TSPAN9: variants seen among roughly 807,000 people sequenced by gnomAD.
TSPAN9 encodes tetraspanin-9.
In TSPAN9, 16 loss-of-function variants were observed where a neutral mutation model predicts 31.0. The observed-to-expected ratio is 0.52, with a 90% CI of 0.35 to 0.78. The LOEUF (loss-of-function observed/expected upper bound fraction) is 0.78. TSPAN9 is among the 30% of genes least tolerant of loss of function. The pLI, the probability that TSPAN9 is intolerant of heterozygous loss-of-function variation, is 0.01. For synonymous variants in TSPAN9, 145 were observed against 121.6 expected, an observed-to-expected ratio of 1.19 and a Z score of -1.27; for missense variants, 272 against 312.5, an observed-to-expected ratio of 0.87 and a Z score of 0.98.
chr12:3,125,579 A>G (rs960713536), intron 2 of TSPAN9, among the ~76,000 whole-genome samples: 2 of 152,146 alleles, frequency 1.3e-5, no homozygotes, highest in African/African-American at 4.8e-5. Flanking sequence ...TTTTCACTCT[A>G]TAAGAAGACC....
chr12:3,281,896 G>A (rs1256286269), intron 8 of TSPAN9, 79 bp downstream of exon 8: 6 of 1,496,334 alleles, frequency 4.0e-6, no homozygotes, highest in Admixed American at 1.8e-5. Flanking sequence ...AGAAGTGAAA[G>A]CAGTGTTGGT....
intron 2 of TSPAN9, among the ~76,000 whole-genome samples, chr12:3,091,433 C>G (rs1212382267): frequency 6.6e-6 from 1 of 152,170 alleles, no homozygotes; most frequent in Admixed American, 6.5e-5. Flanking sequence ...GGCAGGGAGG[C>G]AGGAGGAGGC....
chr12:3,274,562 C>T (rs1862748423), intron 3 of TSPAN9, among the ~76,000 whole-genome samples: 1 of 152,198 alleles, frequency 6.6e-6, no homozygotes, highest in South Asian at 2.1e-4. Context: ...TCGGAGGTCC[C>T]CTGGGAGCAG....
rs193079570 is a variant in TSPAN9, at chr12:3,280,535, C to T, written c.432+52C>T. 296 of 1,538,332 alleles carry T rather than the reference C, an allele frequency of 1.9e-4. 1 individual carries two copies. The highest frequency in any genetic ancestry group is 9.2e-4 in the East Asian group (40 of 43,524). Reference sequence around the variant, plus strand: ...CCAGGCAGGGAGGAGGGGTGGCGGCCGGTACTTCTAGCTGCCTTCCCCGGT... The same window carrying T: ...CCAGGCAGGGAGGAGGGGTGGCGGCTGGTACTTCTAGCTGCCTTCCCCGGT... On this transcript the variant is annotated intron_variant, in intron 6 of 8. Coordinates refer to ENST00000011898, the MANE Select transcript of TSPAN9 (RefSeq NM_006675.5). The surrounding 1 kb of genome is among the most constrained non-coding windows in gnomAD (Gnocchi z 4.5).
intron 2 of TSPAN9, among the ~76,000 whole-genome samples, chr12:3,148,028 C>CT (rs1479135332): frequency 8.5e-5 from 13 of 152,080 alleles, no homozygotes; most frequent in African/African-American, 3.1e-4. Context: ...GTCTCAAGCA[C>CT]TTCATTCATC....
At chr12:3,216,310 T>C (rs2098381361) in intron 3 of TSPAN9, among the ~76,000 whole-genome samples, 1 of 152,192 alleles carries the variant, frequency 6.6e-6, no homozygotes, top group Non-Finnish European at 1.5e-5. Context: ...ACCTTCCAGA[T>C]GTGGGAGTAG....
At chr12:3,133,385 A>G (rs897068639) in intron 2 of TSPAN9, among the ~76,000 whole-genome samples, 1 of 95,450 alleles carries the variant, frequency 1.0e-5, no homozygotes, top group Admixed American at 1.2e-4. Flanking sequence ...CAATTATTAT[A>G]TAATTTTTTT....
At chr12:3,165,351 G>A (rs1207087433) in intron 2 of TSPAN9, among the ~76,000 whole-genome samples, 3 of 152,180 alleles carry the variant, frequency 2.0e-5, no homozygotes, top group African/African-American at 7.2e-5. Flanking sequence ...AATTAATGGA[G>A]GTTTGCCAGG....
At chr12:3,155,873 G>C (rs1030874063) in intron 2 of TSPAN9, among the ~76,000 whole-genome samples, 3 of 152,200 alleles carry the variant, frequency 2.0e-5, no homozygotes, top group African/African-American at 7.2e-5. Flanking sequence ...GAGATCTCTA[G>C]GGGGAGATAA....
At chr12:3,136,878 G>A (rs1167817659) in intron 2 of TSPAN9, among the ~76,000 whole-genome samples, 1 of 152,212 alleles carries the variant, frequency 6.6e-6, no homozygotes, top group East Asian at 1.9e-4. Flanking sequence ...CTCTAAGGCA[G>A]GGCTGGAGAA....
Position 3,281,777 on chromosome 12 carries a change from A to G in TSPAN9, c.608A>G (p.His203Arg), listed in dbSNP as rs766262194. 7 of 1,614,098 alleles carry G rather than the reference A, an allele frequency of 4.3e-6. No homozygotes were observed. The highest frequency in any genetic ancestry group is 5.9e-6 in the Non-Finnish European group (7 of 1,179,992). ...AAGATGTGGTTCGATGACAATAAGC[A>G]CGTGCTGGGCACGGTGGGGATGTGC... ...KVKMWFDDNK[H>R]VLGTVGMCIL... Residue 203 changes from histidine to arginine, a missense_variant, in exon 8 of 9, where the codon CAC (histidine) becomes CGC (arginine). Transcript: ENST00000011898.
intron 3 of TSPAN9, among the ~76,000 whole-genome samples, chr12:3,221,390 T>C (rs986935503): frequency 2.7e-5 from 4 of 149,848 alleles, no homozygotes; most frequent in Non-Finnish European, 5.9e-5. Context: ...TGAAGTCTCA[T>C]TCTTGTCGCC....
Position 3,129,657 on chromosome 12 carries a change from G to A in TSPAN9, c.-18+45938G>A, listed in dbSNP as rs574490404. Among the ~76,000 whole-genome samples the A allele has an allele frequency of 1.5e-4, 23 of 152,366 alleles. No individual in the cohort carries two copies. The South Asian group carries it at 4.6e-3, about 30-fold the overall frequency. ...TAGGGCTGTTAAGAACATTAAATGA[G>A]ATAATCCATGTATAGGACTTGGCCT... is the stretch of plus-strand genomic sequence containing the variant. On this transcript the variant is annotated intron_variant, in intron 2 of 8. Coordinates refer to ENST00000011898, the MANE Select transcript of TSPAN9 (RefSeq NM_006675.5).
intron 2 of TSPAN9, among the ~76,000 whole-genome samples, chr12:3,185,447 A>G (rs532030442): frequency 1.6e-4 from 25 of 152,290 alleles, no homozygotes; most frequent in Admixed American, 2.6e-4. Flanking sequence ...GGCGTGCCCA[A>G]TGCAGCTCCT....
At chr12:3,258,925 A>G (rs544830805) in intron 3 of TSPAN9, among the ~76,000 whole-genome samples, 1 of 152,146 alleles carries the variant, frequency 6.6e-6, no homozygotes, top group African/African-American at 2.4e-5. Context: ...CTGAGATGAG[A>G]TGGCTGATAC....
chr12:3,255,219 G>A (rs751256327), intron 3 of TSPAN9, among the ~76,000 whole-genome samples: 84 of 152,332 alleles, frequency 5.5e-4, no homozygotes, highest in Middle Eastern at 3.4e-3. Context: ...CGCCAGCTCC[G>A]GGCTTTTTAT....
Position 3,097,211 on chromosome 12 carries a change from C to G in TSPAN9, c.-18+13492C>G, listed in dbSNP as rs147132887. Reference sequence around the variant, plus strand: ...CCCAGATTCTGTCGTTTCTCTCCCCCTCCCATGCCTGCTTCCGTCTTCGTC... The same window carrying G: ...CCCAGATTCTGTCGTTTCTCTCCCCGTCCCATGCCTGCTTCCGTCTTCGTC... On this transcript the variant is annotated intron_variant, in intron 2 of 8. Coordinates refer to ENST00000011898, the MANE Select transcript of TSPAN9 (RefSeq NM_006675.5). Among the ~76,000 whole-genome samples, 773 of 152,310 alleles carry G rather than the reference C, an allele frequency of 5.1e-3. 1 individual carries two copies. The highest frequency in any genetic ancestry group is 9.1e-3 in the Non-Finnish European group (620 of 68,026).
chr12:3,129,057 G>A (rs768055290), intron 2 of TSPAN9, among the ~76,000 whole-genome samples: 1 of 152,058 alleles, frequency 6.6e-6, no homozygotes, highest in Non-Finnish European at 1.5e-5. Flanking sequence ...ACTTAGCATT[G>A]TACCCTCAAG....
chr12:3,206,881 G>A (rs1308251953), intron 3 of TSPAN9, among the ~76,000 whole-genome samples: 1 of 152,206 alleles, frequency 6.6e-6, no homozygotes, highest in East Asian at 1.9e-4. Flanking sequence ...GGTTTTGAAG[G>A]ATGAATAGGA....
Sources: gnomAD v4.1 joint callset for allele counts (sites outside exome capture counted in the v4.1 genomes callset) on GRCh38, gnomAD v4.1.1 for gene constraint, Gnocchi (gnomAD v3.1) non-coding constraint, MANE v1.5 for transcripts, NCBI Gene and HGNC (gene_info 2026-07-23, HGNC 2026-07-21) for gene names.